SLC6A4: variants seen among roughly 807,000 people sequenced by gnomAD.
SLC6A4 encodes the protein sodium-dependent serotonin transporter.
SLC6A4 carries 22 observed loss-of-function variants against 73.4 expected under a neutral mutation model. The observed-to-expected ratio is 0.30, with a 90% CI of 0.21 to 0.43. The LOEUF (loss-of-function observed/expected upper bound fraction) is 0.43, where lower values mean the gene tolerates loss of function less well. SLC6A4 is among the 20% of genes least tolerant of loss of function. SLC6A4 has a pLI of 1.00. For missense variants in SLC6A4, 593 were observed against 808.5 expected (o/e 0.73, Z 3.23); for synonymous variants, 270 against 315.5 (o/e 0.86, Z 1.53).
In SLC6A4 at chr17:30,211,568, C is replaced by T. The variant is rs979593239; in HGVS notation, c.1205-144G>A. The T allele has an allele frequency of 8.9e-5, 57 of 638,912 alleles. No homozygotes were observed. The highest frequency in any genetic ancestry group is 1.5e-4 in the Non-Finnish European group (51 of 347,542). The allele number at this position is 638,912 out of a possible 1,614,324, so 39.6% of individuals were successfully genotyped here. ...ATCAGGTTTTGACACACACCAAGTG[C>T]GTCCTCACACTCTACTCCGTCTGAC... On this transcript the variant is annotated intron_variant, in intron 9 of 14. Coordinates refer to ENST00000650711, the MANE Select transcript of SLC6A4 (RefSeq NM_001045.6). This position sits in a 1 kb window ranked among gnomAD's most constrained non-coding sequence, Gnocchi z 4.0.
At chr17:30,228,216 G>C (rs935827893) in intron 1 of SLC6A4, among the ~76,000 whole-genome samples, 5 of 152,158 alleles carry the variant, frequency 3.3e-5, no homozygotes, top group Non-Finnish European at 5.9e-5. Flanking sequence ...GTGACTTTGA[G>C]TAGGTCACTT....
chr17:30,205,960 G>T (rs1431674366), intron 13 of SLC6A4: 2 of 152,156 alleles, frequency 1.3e-5, no homozygotes, highest in African/African-American at 4.8e-5. Flanking sequence ...ACTGAGTCTT[G>T]TTCACGTCCT....
intron 1 of SLC6A4, among the ~76,000 whole-genome samples, chr17:30,227,701 G>T (rs530559601): frequency 2.0e-5 from 3 of 152,116 alleles, no homozygotes; most frequent in Non-Finnish European, 2.9e-5. Flanking sequence ...TGCCCAGGTT[G>T]GTCTTGAACT....
chr17:30,219,982 G>A (rs375380435), intron 3 of SLC6A4, among the ~76,000 whole-genome samples: 53 of 152,214 alleles, frequency 3.5e-4, no homozygotes, highest in African/African-American at 9.1e-4. Flanking sequence ...AATGAGTGTC[G>A]GGGAAATGTC....
At chr17:30,206,147 G>C (rs553392505) in intron 13 of SLC6A4, 10 of 148,882 alleles carry the variant, frequency 6.7e-5, no homozygotes, top group African/African-American at 2.2e-4. Context: ...ATGCCAAAGA[G>C]ATGTCCTAAA....
At chr17:30,230,935 T>A (rs1907092509) in intron 1 of SLC6A4, among the ~76,000 whole-genome samples, 1 of 152,158 alleles carries the variant, frequency 6.6e-6, no homozygotes, top group Non-Finnish European at 1.5e-5. Flanking sequence ...GAGACACTCA[T>A]GAAAAATCAG....
At chr17:30,202,927 T>G (rs2054848) in intron 14 of SLC6A4, among the ~76,000 whole-genome samples, 2 of 152,208 alleles carry the variant, frequency 1.3e-5, no homozygotes, top group African/African-American at 4.8e-5. Flanking sequence ...CAGCCCAAGC[T>G]GAATGCTCTG....
chr17:30,216,247 T>G, intron 6 of SLC6A4, 31 bp from the exon 7 acceptor site: 1 of 1,221,836 alleles, frequency 8.2e-7, no homozygotes, highest in Non-Finnish European at 1.1e-6. Context: ...CACCATGCTG[T>G]TCCAGGGAGG....
intron 3 of SLC6A4, 60 bp downstream of exon 3, chr17:30,221,556 C>G: frequency 6.7e-7 from 1 of 1,485,590 alleles, no homozygotes; most frequent in Non-Finnish European, 9.3e-7. Flanking sequence ...GGGTCACAGC[C>G]CACTCCGGGT....
At chr17:30,201,278 G>A (rs529847064) in intron 14 of SLC6A4, among the ~76,000 whole-genome samples, 4 of 152,142 alleles carry the variant, frequency 2.6e-5, no homozygotes, top group Non-Finnish European at 4.4e-5. Context: ...AGCCGACTAG[G>A]GCCTTTTCCA....
chr17:30,209,043 TA>T, intron 12 of SLC6A4, 99 bp downstream of exon 12: 1 of 793,806 alleles, frequency 1.3e-6, no homozygotes, highest in Non-Finnish European at 2.1e-6. Context: ...TCACATCTTG[TA>T]AACTGCCCCT....
intron 10 of SLC6A4, 33 bp from the exon 11 acceptor site, chr17:30,210,679 G>A: frequency 3.1e-6 from 5 of 1,596,132 alleles, no homozygotes; most frequent in Non-Finnish European, 4.3e-6. Context: ...CACGGTGGAG[G>A]CTTTGGGACA....
In SLC6A4 at chr17:30,218,187, G is replaced by A; in HGVS notation, c.629C>T (p.Thr210Ile). 1.9e-6 allele frequency: 3 copies of A among 1,614,210 alleles called. No homozygotes were observed. The highest frequency in any genetic ancestry group is 1.6e-4 in the Middle Eastern group (1 of 6,062). The change falls in exon 5 of 15, where the codon ACC (threonine) becomes ATC (isoleucine). Residue 210 changes from threonine to isoleucine, a missense_variant. By Grantham distance (89) the Thr-to-Ile change is moderately conservative (BLOSUM62 -1). Coordinates refer to ENST00000650711, the MANE Select transcript of SLC6A4 (RefSeq NM_001045.6). ...GATGTTGTCCTCGGAGAAGTAATTGGTGCAGTTGCCAGTGTTCCAGGAGTT... is the reference window on the plus strand; with the variant it reads ...GATGTTGTCCTCGGAGAAGTAATTGATGCAGTTGCCAGTGTTCCAGGAGTT... ...CKNSWNTGNC[T>I]NYFSEDNITW...
chr17:30,213,935 T>G (rs1289277026), intron 8 of SLC6A4, among the ~76,000 whole-genome samples: 1 of 151,764 alleles, frequency 6.6e-6, no homozygotes, highest in East Asian at 2.0e-4. Context: ...TTTGTAGAGA[T>G]GGGATCTCAC....
chr17:30,222,109 GA>G, intron 2 of SLC6A4, 28 bp from the exon 3 acceptor site: 3 of 1,474,668 alleles, frequency 2.0e-6, no homozygotes, highest in Non-Finnish European at 2.8e-6. Context: ...AGAGGAAGGA[GA>G]AAAAAGTTAG....
In SLC6A4 at chr17:30,197,369, G is replaced by A. The variant is rs200295085; in HGVS notation, c.*1087C>T. The A allele has an allele frequency of 2.0e-5, 3 of 152,376 alleles. No individual in the cohort carries two copies. Among genetic ancestry groups the A allele is most frequent in the Non-Finnish European group, 4.4e-5 (3 of 68,068 alleles). 9.4% of individuals were successfully genotyped at this position (152,376 alleles called of 1,614,324 possible). ...AAGATGCCTTGGTTTAGGTTAGGGT[G>A]CCAGATCTGTATAACCCAGTGCTAA... is the stretch of plus-strand genomic sequence containing the variant. On this transcript the variant is annotated 3_prime_UTR_variant, in exon 15 of 15. Transcript: ENST00000650711.
At chr17:30,219,297 G>A (rs1906676839) in intron 3 of SLC6A4, among the ~76,000 whole-genome samples, 2 of 152,176 alleles carry the variant, frequency 1.3e-5, no homozygotes, top group Admixed American at 1.3e-4. Flanking sequence ...GGAGAGCTGA[G>A]TTTCCCAAAT....
At position 30,211,479 on chromosome 17, in the gene SLC6A4, T is replaced by C; in HGVS notation, c.1205-55A>G. The C allele has an allele frequency of 1.8e-6, 2 of 1,095,898 alleles. No homozygotes were observed. The highest frequency in any genetic ancestry group is 2.8e-6 in the Non-Finnish European group (2 of 709,670). 67.9% of individuals were successfully genotyped at this position (1,095,898 alleles called of 1,614,324 possible). On this transcript the variant is annotated intron_variant, in intron 9 of 14. Coordinates refer to ENST00000650711, the MANE Select transcript of SLC6A4 (RefSeq NM_001045.6). The surrounding 1 kb of genome is among the most constrained non-coding windows in gnomAD (Gnocchi z 4.0). Reference sequence around the variant, plus strand: ...GTTGACAAGACCTGTCCTACAAAGATGTCACAGAGGAAAACTCAGCCACAA... The same window carrying C: ...GTTGACAAGACCTGTCCTACAAAGACGTCACAGAGGAAAACTCAGCCACAA...
intron 5 of SLC6A4, 72 bp downstream of exon 5, chr17:30,218,046 C>A (rs993667618): frequency 1.6e-6 from 2 of 1,273,148 alleles, no homozygotes; most frequent in Non-Finnish European, 2.3e-6. Flanking sequence ...CCCTGGCCTT[C>A]TTTTTAAGAA....
Sources: allele counts gnomAD v4.1 joint callset (sites outside exome capture counted in the v4.1 genomes callset), GRCh38; gene constraint gnomAD v4.1.1; non-coding constraint Gnocchi (gnomAD v3.1); transcripts MANE v1.5; gene names NCBI Gene and HGNC (gene_info 2026-07-23, HGNC 2026-07-21).